CAMTA1: variants seen among roughly 807,000 people sequenced by gnomAD.
CAMTA1 encodes calmodulin binding transcription activator 1, also known as calmodulin-binding transcription activator 1.
Under a neutral mutation model 170.9 loss-of-function variants are expected in CAMTA1, and 27 were observed. The ratio of observed to expected loss-of-function variants is 0.16; its 90% confidence interval spans 0.12 to 0.22. The LOEUF (loss-of-function observed/expected upper bound fraction) is 0.22. CAMTA1 is among the 10% of genes least tolerant of loss of function. The pLI, the probability that CAMTA1 is intolerant of heterozygous loss-of-function variation, is 1.00. For synonymous variants in CAMTA1, 833 were observed against 891.5 expected (o/e 0.93, Z 1.17); for missense variants, 1,619 against 2,217.2 (o/e 0.73, Z 5.42).
intron 4 of CAMTA1, among the ~76,000 whole-genome samples, chr1:7,205,108 C>T (rs981936236): frequency 2.0e-5 from 3 of 151,876 alleles, no homozygotes; most frequent in African/African-American, 4.8e-5. Context: ...GGATTACAGG[C>T]GTGAGCCACC....
At chr1:6,830,048 T>A (rs1649143935) in intron 3 of CAMTA1, among the ~76,000 whole-genome samples, 1 of 146,760 alleles carries the variant, frequency 6.8e-6, no homozygotes, top group East Asian at 1.9e-4. Flanking sequence ...TTTTTATTTT[T>A]TTTTTTGAGA....
At chr1:7,310,674 TTCTTTC>T (rs1197798157) in intron 5 of CAMTA1, among the ~76,000 whole-genome samples, 4 of 32,114 alleles carry the variant, frequency 1.2e-4, no homozygotes, top group Admixed American at 8.3e-4. Flanking sequence ...TTTCTTTCCT[TTCTTTC>T]TCTCTCTCTC....
intron 11 of CAMTA1, among the ~76,000 whole-genome samples, chr1:7,696,077 G>A (rs1211509612): frequency 6.6e-6 from 1 of 152,152 alleles, no homozygotes; most frequent in East Asian, 1.9e-4. Flanking sequence ...TGGCTGTGAG[G>A]ATGGTGATGT....
chr1:6,949,566 G>A (rs1245301580), intron 3 of CAMTA1, among the ~76,000 whole-genome samples: 1 of 152,188 alleles, frequency 6.6e-6, no homozygotes, highest in East Asian at 1.9e-4. Flanking sequence ...CTGCTGGCGA[G>A]GAAATTCACC....
chr1:6,810,322 G>T (rs574636856), intron 1 of CAMTA1, among the ~76,000 whole-genome samples: 4 of 152,214 alleles, frequency 2.6e-5, no homozygotes, highest in Non-Finnish European at 5.9e-5. Flanking sequence ...TTCGCCAGCT[G>T]TTGGCCCGAG....
intron 12 of CAMTA1, among the ~76,000 whole-genome samples, chr1:7,735,663 T>TA (rs1385051328): frequency 2.6e-5 from 4 of 152,120 alleles, no homozygotes; most frequent in Non-Finnish European, 5.9e-5. Flanking sequence ...CCCTAATAGA[T>TA]AGACTCGTGT....
At chr1:7,578,923 C>A (rs1192703392) in intron 6 of CAMTA1, among the ~76,000 whole-genome samples, 1 of 152,204 alleles carries the variant, frequency 6.6e-6, no homozygotes, top group Non-Finnish European at 1.5e-5. Context: ...CTTTAGGGGA[C>A]ACATTCAACC....
intron 3 of CAMTA1, among the ~76,000 whole-genome samples, chr1:6,888,766 A>G (rs890915746): frequency 6.6e-6 from 1 of 152,224 alleles, no homozygotes; most frequent in Admixed American, 6.5e-5. Context: ...GTGTTGGCAT[A>G]GGCCAGAATA....
At chr1:7,601,275 C>T (rs1046515054) in intron 6 of CAMTA1, among the ~76,000 whole-genome samples, 73 of 150,602 alleles carry the variant, frequency 4.8e-4, no homozygotes, top group African/African-American at 1.6e-3. Context: ...GGGGCGGTTG[C>T]CAGGCAGAGG....
intron 5 of CAMTA1, among the ~76,000 whole-genome samples, chr1:7,351,383 T>G (rs1389665080): frequency 6.6e-6 from 1 of 152,236 alleles, no homozygotes; most frequent in Admixed American, 6.5e-5. Context: ...CCGGCCCACA[T>G]GCAGATCGGG....
At chr1:7,586,260 G>T (rs549444124) in intron 6 of CAMTA1, among the ~76,000 whole-genome samples, 55 of 152,228 alleles carry the variant, frequency 3.6e-4, no homozygotes, top group African/African-American at 7.7e-4. Context: ...TTTAAGCCTC[G>T]AGGGCTGGCT....
chr1:7,685,872 G>A lies in CAMTA1; in HGVS notation c.2914+8139G>A, dbSNP rs1305711016. Among the ~76,000 whole-genome samples the A allele has an allele frequency of 6.6e-6, 1 of 152,080 alleles. No homozygotes were observed. The stretch of plus-strand genomic sequence containing the variant: ...TCTGTTTTCCCCAACCTACCTCTCT[G>A]ATAACATTCCTGACCCCTGTGGATA... On this transcript the variant is annotated intron_variant, in intron 11 of 22. Transcript: ENST00000303635. The surrounding 1 kb of genome is among the most constrained non-coding windows in gnomAD (Gnocchi z 5.7).
Position 7,736,385 on chromosome 1 carries a change from C to T in CAMTA1, c.3108C>T (p.Ser1036=), listed in dbSNP as rs764566483. 1 of 1,614,108 alleles carries T rather than the reference C, an allele frequency of 6.2e-7. No individual in the cohort carries two copies. The highest frequency in any genetic ancestry group is 2.2e-5 in the East Asian group (1 of 44,872). The change falls in exon 13 of 23, where the codon AGC becomes AGT. Residue 1036 remains serine, a synonymous_variant. Coordinates refer to ENST00000303635, the MANE Select transcript of CAMTA1 (RefSeq NM_015215.4). The surrounding 1 kb of genome is among the most constrained non-coding windows in gnomAD (Gnocchi z 4.5). ...GGGCCTTGGGGAGCTGCTTTGAGAG[C>T]CGTGTGGTCGTGGTATGCGAGAAGA... The part of the protein sequence containing the change: ...GTGALGSCFE[S]RVVVVCEKMM...
rs933414283 is a variant in CAMTA1 at position 7,065,755 on chromosome 1, A to C, written c.235-25549A>C. On this transcript the variant is annotated intron_variant, in intron 3 of 22. Coordinates refer to ENST00000303635, the MANE Select transcript of CAMTA1 (RefSeq NM_015215.4). This position sits in a 1 kb window ranked among gnomAD's most constrained non-coding sequence, Gnocchi z 5.2. ...GTCAAAATATCTGACTGCAGAAAAG[A>C]CCAGTCAGGGAAATAATGATTTTTC... is the stretch of plus-strand genomic sequence containing the variant. 1.3e-5 allele frequency among the ~76,000 whole-genome samples: 2 copies of C among 152,190 alleles called. No individual in the cohort carries two copies. Among genetic ancestry groups the C allele is most frequent in the Admixed American group, 6.5e-5 (1 of 15,280 alleles).
intron 5 of CAMTA1, among the ~76,000 whole-genome samples, chr1:7,391,489 G>A (rs79597214): frequency 0.01 from 1,584 of 152,166 alleles, 32 homozygotes; most frequent in African/African-American, 0.037. Context: ...TTGGTGTCCC[G>A]CACTTCTGGA....
intron 4 of CAMTA1, among the ~76,000 whole-genome samples, chr1:7,152,389 A>G (rs935230912): frequency 1.3e-5 from 2 of 152,160 alleles, no homozygotes; most frequent in Non-Finnish European, 2.9e-5. Context: ...AGGGAAGGCA[A>G]ATGGAGACTT....
chr1:7,125,563 G>A (rs1023069126), intron 4 of CAMTA1, among the ~76,000 whole-genome samples: 2 of 152,192 alleles, frequency 1.3e-5, no homozygotes, highest in African/African-American at 4.8e-5. Flanking sequence ...GGACAAATAA[G>A]CAGAGGCCCC....
At chr1:6,786,519 G>A (rs1639429430) in intron 1 of CAMTA1, among the ~76,000 whole-genome samples, 1 of 152,168 alleles carries the variant, frequency 6.6e-6, no homozygotes, top group South Asian at 2.1e-4. Context: ...AGGACAAGGG[G>A]ACTCAGGCTG....
intron 6 of CAMTA1, among the ~76,000 whole-genome samples, chr1:7,513,791 G>A (rs995867492): frequency 6.6e-6 from 1 of 152,088 alleles, no homozygotes; most frequent in South Asian, 2.1e-4. Flanking sequence ...GCGTGGTGGC[G>A]CATGCCTGTA....
Sources: allele counts gnomAD v4.1 joint callset (sites outside exome capture counted in the v4.1 genomes callset), GRCh38; gene constraint gnomAD v4.1.1; non-coding constraint Gnocchi (gnomAD v3.1); transcripts MANE v1.5; gene names NCBI Gene and HGNC (gene_info 2026-07-23, HGNC 2026-07-21).